The following PLEKHG4B variants were observed in gnomAD, a reference collection of about 807,000 sequenced individuals.
The protein encoded by PLEKHG4B is pleckstrin homology domain-containing family G member 4B.
PLEKHG4B carries 111 observed loss-of-function variants against 121.3 expected under a neutral mutation model. That is an observed-to-expected ratio of 0.92 (90% CI 0.78 to 1.07). The LOEUF (loss-of-function observed/expected upper bound fraction) is 1.07, where lower values mean the gene tolerates loss of function less well. Among genes scored for constraint, PLEKHG4B ranks in the 50% least tolerant of loss-of-function variants. The pLI is 0.00. For missense variants in PLEKHG4B, 1,831 were observed against 1,757.8 expected, an observed-to-expected ratio of 1.04 and a Z score of -0.74; for synonymous variants, 738 against 725.0, an observed-to-expected ratio of 1.02 and a Z score of -0.29.
intron 1 of PLEKHG4B, among the ~76,000 whole-genome samples, chr5:103,974 C>T (rs1431759821): frequency 6.6e-6 from 1 of 152,204 alleles, no homozygotes; most frequent in Non-Finnish European, 1.5e-5. Flanking sequence ...TGTTTCTGTG[C>T]CTGGCTTATT....
Position 181,498 on chromosome 5 carries a change from C to G in PLEKHG4B, c.4403-16C>G, listed in dbSNP as rs202197330. On this transcript the variant is annotated splice_polypyrimidine_tract_variant and intron_variant, in intron 18 of 19. Transcript: ENST00000637938. The stretch of plus-strand genomic sequence containing the variant: ...CCGAGTTGCTTTGGAAACTGTCATA[C>G]TTTCTTCTGTCTTAGAACTCAGAAT... 8 of 1,610,222 alleles carry G rather than the reference C, an allele frequency of 5.0e-6. No homozygotes were observed. The African/African-American group carries it at 9.3e-5, about 19-fold the overall frequency.
chr5:151,387 T>G (rs745319471), intron 6 of PLEKHG4B, 126 bp from the exon 7 acceptor site: 4 of 525,768 alleles, frequency 7.6e-6, no homozygotes, highest in Non-Finnish European at 1.0e-5. Flanking sequence ...GTCAGCCATG[T>G]TTTATGCACT....
Position 162,966 on chromosome 5 carries a change from C to T in PLEKHG4B, c.2894C>T (p.Pro965Leu). The change falls in exon 13 of 20, where the codon CCC becomes CTC. Residue 965 changes from proline (P) to leucine (L), a missense_variant. Transcript: ENST00000637938. ...EEALSEAAPD[P>L]SLPPLAQSPP... The stretch of plus-strand genomic sequence containing the variant: ...GCCCTTTCTGAGGCTGCCCCAGACC[C>T]CAGCTTACCGCCCCTTGCCCAGAGC... 4 of 1,564,222 alleles carry T rather than the reference C, an allele frequency of 2.6e-6. No individual in the cohort carries two copies. The highest frequency in any genetic ancestry group is 2.4e-5 in the East Asian group (1 of 42,228).
chr5:148,173 CAA>C (rs772064202), intron 6 of PLEKHG4B, among the ~76,000 whole-genome samples: 5 of 151,164 alleles, frequency 3.3e-5, no homozygotes, highest in Non-Finnish European at 7.4e-5. Context: ...AGGAACAAGG[CAA>C]TAATGCCCAC....
rs774532028 is a variant in PLEKHG4B at position 143,055 on chromosome 5, G to A, written c.1486G>A (p.Ala496Thr). The A allele has an allele frequency of 2.5e-6, 4 of 1,613,292 alleles. No individual in the cohort carries two copies. Among genetic ancestry groups the A allele is most frequent in the Admixed American group, 1.7e-5 (1 of 60,026 alleles). The stretch of plus-strand genomic sequence containing the variant: ...CTCTTTCCTTTGTCCAGACGTTCTT[G>A]CATCCTCAGCCTGTGTCAGCACAGA... ...PGCTKEEDVL[A>T]SSACVSTDGG... Residue 496 changes from alanine (A) to threonine (T), a missense_variant, in exon 4 of 20, where the codon GCA becomes ACA. Coordinates refer to ENST00000637938, the MANE Select transcript of PLEKHG4B (RefSeq NM_052909.5).
At chr5:92,777 G>A (rs1733510016) in intron 1 of PLEKHG4B, among the ~76,000 whole-genome samples, 1 of 152,098 alleles carries the variant, frequency 6.6e-6, no homozygotes, top group Non-Finnish European at 1.5e-5. Context: ...GAGTTGCTAA[G>A]TTACTCTTCA....
rs373756261 is a variant in PLEKHG4B, at chr5:159,925, C to T, written c.2488-1858C>T. 1.5e-3 allele frequency among the ~76,000 whole-genome samples: 225 copies of T among 152,256 alleles called. No homozygotes were observed. Among genetic ancestry groups the T allele is most frequent in the African/African-American group, 5.2e-3 (216 of 41,532 alleles). The stretch of plus-strand genomic sequence containing the variant: ...TTCCTTCCCGGCCTCCAGGTTTGTG[C>T]CCTGGCTGCTCTCTGCCCACCGTGC... On this transcript the variant is annotated intron_variant, in intron 11 of 19. Coordinates refer to ENST00000637938, the MANE Select transcript of PLEKHG4B (RefSeq NM_052909.5). This position sits in a 1 kb window ranked among gnomAD's most constrained non-coding sequence, Gnocchi z 5.5.
At chr5:175,321 C>G (rs13154353) in intron 18 of PLEKHG4B, among the ~76,000 whole-genome samples, 68,825 of 151,904 alleles carry the variant, frequency 0.45, 16,825 homozygotes, top group Non-Finnish European at 0.57. Context: ...TTTGCTCCCC[C>G]CACCGACTTC....
intron 7 of PLEKHG4B, among the ~76,000 whole-genome samples, chr5:154,002 C>T (rs1006376124): frequency 2.0e-5 from 3 of 146,514 alleles, no homozygotes; most frequent in South Asian, 2.1e-4. Context: ...ATGCCCCTCT[C>T]GTTTCCTTTA....
intron 2 of PLEKHG4B, among the ~76,000 whole-genome samples, chr5:130,061 A>AAGAGAGAGAG (rs754535739): frequency 0.064 from 9,647 of 150,290 alleles, 573 homozygotes; most frequent in African/African-American, 0.16. Context: ...AGTGAATATG[A>AAGAGAGAGAG]AGAGAGAGTG....
In PLEKHG4B at chr5:125,002, G is replaced by A. The variant is rs112306392; in HGVS notation, c.243+11554G>A. 1.3e-3 allele frequency among the ~76,000 whole-genome samples: 195 copies of A among 152,170 alleles called. 2 individuals are homozygous for A. The highest frequency in any genetic ancestry group is 7.3e-3 in the East Asian group (38 of 5,172). Reference sequence around the variant, plus strand: ...ACAAAAATTAGCTGGGTGTGGAGGCGTGCGACTGTAATCCCAGCTACTTGG... The same window carrying A: ...ACAAAAATTAGCTGGGTGTGGAGGCATGCGACTGTAATCCCAGCTACTTGG... On this transcript the variant is annotated intron_variant, in intron 2 of 19. Transcript: ENST00000637938.
In PLEKHG4B at chr5:135,679, AAAAATATATATATATATAT is replaced by A. The variant is rs1370476275; in HGVS notation, c.244-3802_244-3784del. 1.6e-3 allele frequency among the ~76,000 whole-genome samples: 93 copies of A among 57,150 alleles called. 1 individual carries two copies. The highest frequency in any genetic ancestry group is 2.5e-3 in the East Asian group (6 of 2,420). The allele number at this position is 57,150 out of a possible 152,430, so 37.5% of individuals were successfully genotyped here. ...AGACTCCATCTCAAAAAAAAAAAAA[AAAAATATATATATATATAT>A]ATATATATATATATATATATATATA... On this transcript the variant is annotated intron_variant, in intron 2 of 19. Coordinates refer to ENST00000637938, the MANE Select transcript of PLEKHG4B (RefSeq NM_052909.5).
Position 139,341 on chromosome 5 carries a change from A to ACATAAAG in PLEKHG4B, c.244-140_244-139insTAAAGCA, listed in dbSNP as rs2126395773. Reference sequence around the variant, plus strand: ...AATGACCTGCTTTATGTTCCAAGGAACAGGACACCCCAGCCCCCGTGAGAC... The same window carrying ACATAAAG: ...AATGACCTGCTTTATGTTCCAAGGAACATAAAGCAGGACACCCCAGCCCCCGTGAGAC... On this transcript the variant is annotated intron_variant, in intron 2 of 19. Transcript: ENST00000637938. This position sits in a 1 kb window ranked among gnomAD's most constrained non-coding sequence, Gnocchi z 5.0. 5.0e-6 allele frequency: 2 copies of ACATAAAG among 397,998 alleles called. No homozygotes were observed. Among genetic ancestry groups the ACATAAAG allele is most frequent in the East Asian group, 7.1e-5 (2 of 28,088 alleles). 24.7% of individuals were successfully genotyped at this position (397,998 alleles called of 1,614,324 possible).
At chr5:121,298 C>G (rs1252988042) in intron 2 of PLEKHG4B, among the ~76,000 whole-genome samples, 1 of 151,556 alleles carries the variant, frequency 6.6e-6, no homozygotes, top group South Asian at 2.1e-4. Flanking sequence ...AATACAAGAT[C>G]TGTAATTAAA....
chr5:140,755 A>T (rs1225385045), intron 3 of PLEKHG4B, 39 bp downstream of exon 3: 1 of 1,350,738 alleles, frequency 7.4e-7, no homozygotes, highest in African/African-American at 2.0e-5. Context: ...CACCCCCACA[A>T]CCTCCCCTAC....
At chr5:174,966 C>T (rs1365744410) in intron 18 of PLEKHG4B, among the ~76,000 whole-genome samples, 1 of 152,082 alleles carries the variant, frequency 6.6e-6, no homozygotes, top group African/African-American at 2.4e-5. Flanking sequence ...CCATGGGCAC[C>T]CAAGAGGCCC....
At chr5:148,355 A>AT (rs1301314894) in intron 6 of PLEKHG4B, among the ~76,000 whole-genome samples, 4 of 151,106 alleles carry the variant, frequency 2.6e-5, no homozygotes, top group Admixed American at 6.6e-5. Context: ...AAAAAAAAAA[A>AT]AATAAATAAA....
intron 2 of PLEKHG4B, among the ~76,000 whole-genome samples, chr5:133,525 T>C (rs1734840114): frequency 1.3e-5 from 2 of 152,052 alleles, no homozygotes; most frequent in African/African-American, 4.8e-5. Context: ...AACAAATATA[T>C]GAAAAATGTT....
chr5:164,686 CGGAGCTCACACTAA>C (rs1736209151), intron 13 of PLEKHG4B, among the ~76,000 whole-genome samples: 1 of 84,080 alleles, frequency 1.2e-5, no homozygotes, highest in Non-Finnish European at 2.2e-5. Context: ...TGACAGGGGG[CGGAGCTCACACTAA>C]TGCTCTGACG....
Sources: allele counts gnomAD v4.1 joint callset (sites outside exome capture counted in the v4.1 genomes callset), GRCh38; gene constraint gnomAD v4.1.1; non-coding constraint Gnocchi (gnomAD v3.1); transcripts MANE v1.5; gene names NCBI Gene and HGNC (gene_info 2026-07-23, HGNC 2026-07-21).